Variants in DCUN1D4 observed in about 807,000 individuals in gnomAD.
DCUN1D4 encodes defective in cullin neddylation 1 domain containing 4, also known as DCN1-like protein 4.
DCUN1D4 carries 22 observed loss-of-function variants against 47.9 expected under a neutral mutation model. The observed-to-expected ratio is 0.46, with a 90% CI of 0.33 to 0.66. The LOEUF is 0.66. Among genes scored for constraint, DCUN1D4 ranks in the 30% least tolerant of loss-of-function variants. DCUN1D4 has a pLI of 0.02. For synonymous variants in DCUN1D4, 121 were observed against 112.2 expected (o/e 1.08, Z -0.50); for missense variants, 301 against 340.8 (o/e 0.88, Z 0.92).
rs182174181 is a variant in DCUN1D4 at position 51,879,373 on chromosome 4, A to C, written c.343+1519A>C. ...TGAAATCCCAGCACTTTGGGAGGCCAGGGCAGGAGGATTGCCTGAGTTCAG... is the reference window on the plus strand; with the variant it reads ...TGAAATCCCAGCACTTTGGGAGGCCCGGGCAGGAGGATTGCCTGAGTTCAG... On this transcript the variant is annotated intron_variant, in intron 5 of 10. Transcript: ENST00000334635. 6.6e-5 allele frequency among the ~76,000 whole-genome samples: 10 copies of C among 152,322 alleles called. No individual in the cohort carries two copies. In the East Asian group the frequency reaches 1.7e-3, roughly 26 times the overall value.
chr4:51,860,061 G>C (rs922387411), intron 1 of DCUN1D4, among the ~76,000 whole-genome samples: 2 of 152,112 alleles, frequency 1.3e-5, no homozygotes, highest in African/African-American at 2.4e-5. Context: ...CAGATGAACT[G>C]TAAATCCAAT....
chr4:51,888,724 CAAAAAAAA>C (rs71193044), intron 6 of DCUN1D4, among the ~76,000 whole-genome samples: 1 of 81,278 alleles, frequency 1.2e-5, no homozygotes, highest in Non-Finnish European at 3.0e-5. Flanking sequence ...ACTCCATCTC[CAAAAAAAA>C]AAAAAAAAAA....
At chr4:51,874,705 CT>C (rs1436812814) in intron 4 of DCUN1D4, 1 of 225,252 alleles carries the variant, frequency 4.4e-6, no homozygotes, top group Admixed American at 5.3e-5. Context: ...GAATTGGTGT[CT>C]TGTTCTTTAA....
chr4:51,843,002 T>G, upstream of DCUN1D4: 1 of 1,291,744 alleles, frequency 7.7e-7, no homozygotes, highest in Non-Finnish European at 1.0e-6. Flanking sequence ...TATTGGCCAG[T>G]GGGGGGCGGG....
Position 51,913,300 on chromosome 4 carries a change from A to G in DCUN1D4, c.731A>G (p.Tyr244Cys). The G allele has an allele frequency of 6.2e-7, 1 of 1,605,642 alleles. No homozygotes were observed. The highest frequency in any genetic ancestry group is 8.5e-7 in the Non-Finnish European group (1 of 1,174,564). The change falls in exon 10 of 11, where the codon TAC becomes TGC. Residue 244 changes from tyrosine (Y) to cysteine (C), a missense_variant. Coordinates refer to ENST00000334635, the MANE Select transcript of DCUN1D4 (RefSeq NM_001040402.3). ...VFHQFLEQSK[Y>C]KVINKDQWCN... Reference sequence around the variant, plus strand: ...TTTTCCCTCCATCAGCAATCAAAATACAAAGTTATTAATAAAGACCAGTGG... The same window carrying G: ...TTTTCCCTCCATCAGCAATCAAAATGCAAAGTTATTAATAAAGACCAGTGG...
At chr4:51,843,012 G>A, upstream of DCUN1D4, 1 of 1,325,734 alleles carries the variant, frequency 7.5e-7, no homozygotes, top group Non-Finnish European at 9.7e-7. Flanking sequence ...TGGGGGGCGG[G>A]GCCTCGTTGC....
intron 3 of DCUN1D4, among the ~76,000 whole-genome samples, chr4:51,866,875 T>C (rs1249196268): frequency 3.3e-5 from 5 of 152,200 alleles, no homozygotes; most frequent in Admixed American, 6.5e-5. Context: ...GAAACTTCTG[T>C]GGCTGGTGGC....
intron 1 of DCUN1D4, among the ~76,000 whole-genome samples, chr4:51,850,967 A>G (rs1435184863): frequency 6.6e-6 from 1 of 152,136 alleles, no homozygotes; most frequent in East Asian, 1.9e-4. Context: ...GGCAGAGGGA[A>G]GAAAGTAGGA....
chr4:51,908,278 T>C (rs577377003), intron 8 of DCUN1D4, among the ~76,000 whole-genome samples: 1 of 152,356 alleles, frequency 6.6e-6, no homozygotes, highest in African/African-American at 2.4e-5. Flanking sequence ...ATTCCGTTGC[T>C]TTTTATCTTA....
At chr4:51,893,322 T>C (rs932224260) in intron 7 of DCUN1D4, among the ~76,000 whole-genome samples, 3 of 152,370 alleles carry the variant, frequency 2.0e-5, no homozygotes, top group African/African-American at 7.2e-5. Context: ...TTAAAACTTG[T>C]GTATCCTTTT....
chr4:51,844,053 G>A (rs1254617392), intron 1 of DCUN1D4, among the ~76,000 whole-genome samples: 1 of 149,672 alleles, frequency 6.7e-6, no homozygotes, highest in Non-Finnish European at 1.5e-5. Flanking sequence ...TAGGGCGATT[G>A]GGAGGAAGAG....
chr4:51,871,464 T>C (rs1726888443), intron 3 of DCUN1D4, among the ~76,000 whole-genome samples: 1 of 152,192 alleles, frequency 6.6e-6, no homozygotes. Context: ...TATTGGTGAA[T>C]ATATTGGTGT....
At chr4:51,896,437 A>G (rs1487377041) in intron 7 of DCUN1D4, among the ~76,000 whole-genome samples, 1 of 152,120 alleles carries the variant, frequency 6.6e-6, no homozygotes, top group Non-Finnish European at 1.5e-5. Context: ...CGTAGACAGG[A>G]CTAAACTAAA....
the DCUN1D4 span, among the ~76,000 whole-genome samples, chr4:51,836,601 C>T: frequency 6.6e-6 from 1 of 152,268 alleles, no homozygotes; most frequent in Non-Finnish European, 1.5e-5. Context: ...GCTGAGGCGG[C>T]TGTAACCCGG....
upstream of DCUN1D4, among the ~76,000 whole-genome samples, chr4:51,838,293 C>T (rs1157532969): frequency 6.6e-6 from 1 of 152,216 alleles, no homozygotes; most frequent in Non-Finnish European, 1.5e-5. Context: ...TGTAATCCTT[C>T]TGACCCATAC....
chr4:51,897,878 C>CA (rs1292449267), intron 7 of DCUN1D4, among the ~76,000 whole-genome samples: 3 of 152,126 alleles, frequency 2.0e-5, no homozygotes, highest in South Asian at 2.1e-4. Flanking sequence ...GAATTAGACG[C>CA]AAAAAATCCT....
At chr4:51,880,107 A>G (rs1046215232) in intron 5 of DCUN1D4, among the ~76,000 whole-genome samples, 1 of 152,120 alleles carries the variant, frequency 6.6e-6, no homozygotes, top group Non-Finnish European at 1.5e-5. Context: ...AATAACTGGC[A>G]TTGGGAATAA....
chr4:51,856,747 A>T (rs1167135887), intron 1 of DCUN1D4, among the ~76,000 whole-genome samples: 1 of 152,208 alleles, frequency 6.6e-6, no homozygotes, highest in African/African-American at 2.4e-5. Context: ...CATCTCTCAC[A>T]TGCAGTCCTG....
intron 8 of DCUN1D4, among the ~76,000 whole-genome samples, chr4:51,901,227 C>T (rs1732055137): frequency 6.6e-6 from 1 of 152,184 alleles, no homozygotes; most frequent in African/African-American, 2.4e-5. Context: ...CGACCCAGCA[C>T]TTCCCTGTGT....
Sources: gnomAD v4.1 joint callset for allele counts (sites outside exome capture counted in the v4.1 genomes callset) on GRCh38, gnomAD v4.1.1 for gene constraint, MANE v1.5 for transcripts, NCBI Gene and HGNC (gene_info 2026-07-23, HGNC 2026-07-21) for gene names.